The following COL25A1 variants were observed in gnomAD, a reference collection of about 807,000 sequenced individuals.
COL25A1 encodes the protein collagen type XXV alpha 1 chain.
A neutral mutation model predicts 128.4 loss-of-function variants in COL25A1; 103 were observed. The observed-to-expected ratio is 0.80, with a 90% CI of 0.68 to 0.94. COL25A1 has a LOEUF of 0.94. Among genes scored for constraint, COL25A1 ranks in the 40% least tolerant of loss-of-function variants. The pLI is 0.00. For missense variants in COL25A1, 745 were observed against 840.0 expected, an observed-to-expected ratio of 0.89 and a Z score of 1.40; for synonymous variants, 279 against 277.2, an observed-to-expected ratio of 1.01 and a Z score of -0.06.
chr4:109,155,638 C>A (rs185802090), intron 3 of COL25A1, among the ~76,000 whole-genome samples: 1 of 152,144 alleles, frequency 6.6e-6, no homozygotes, highest in Non-Finnish European at 1.5e-5. Context: ...CCTGTCATAG[C>A]TAATCAACTA....
At chr4:108,845,085 T>C (rs989269662) in intron 29 of COL25A1, 104 bp downstream of exon 29, 2 of 933,014 alleles carry the variant, frequency 2.1e-6, no homozygotes, top group African/African-American at 3.2e-5. Flanking sequence ...GTTTGAGGTC[T>C]GTCTACTGTT....
chr4:109,145,803 TGCACTCTA>T (rs1770886254), intron 3 of COL25A1, among the ~76,000 whole-genome samples: 1 of 152,054 alleles, frequency 6.6e-6, no homozygotes, highest in Non-Finnish European at 1.5e-5. Context: ...ATCGCACCAT[TGCACTCTA>T]GCCTGGGCAA....
intron 3 of COL25A1, among the ~76,000 whole-genome samples, chr4:109,188,579 T>C (rs995473741): frequency 1.3e-5 from 2 of 152,092 alleles, no homozygotes; most frequent in South Asian, 2.1e-4. Context: ...TCCAGGAAAC[T>C]GTAGCTTTGA....
At chr4:109,095,119 CAT>C (rs1765277675) in intron 3 of COL25A1, among the ~76,000 whole-genome samples, 1 of 152,182 alleles carries the variant, frequency 6.6e-6, no homozygotes, top group South Asian at 2.1e-4. Context: ...AGTTCAAGCA[CAT>C]GTAACAAAAT....
chr4:109,048,228 G>A, intron 4 of COL25A1, 53 bp from the exon 5 acceptor site: 2 of 1,532,928 alleles, frequency 1.3e-6, no homozygotes, highest in East Asian at 2.3e-5. Flanking sequence ...TAGTGAATAT[G>A]CAAAATATTA....
At chr4:108,913,590 T>C (rs989035915) in intron 13 of COL25A1, among the ~76,000 whole-genome samples, 1 of 152,136 alleles carries the variant, frequency 6.6e-6, no homozygotes, top group Non-Finnish European at 1.5e-5. Flanking sequence ...TTGCACAGTG[T>C]TGGGCACTAA....
intron 13 of COL25A1, among the ~76,000 whole-genome samples, chr4:108,911,219 G>C (rs1744176604): frequency 6.6e-6 from 1 of 152,118 alleles, no homozygotes; most frequent in Admixed American, 6.5e-5. Context: ...CAATAATATA[G>C]TGTTTTAGGA....
At position 109,254,489 on chromosome 4, in the gene COL25A1, A is replaced by ATG. The variant is rs1296262973; in HGVS notation, c.367+46093_367+46094insCA. 2.5e-4 allele frequency among the ~76,000 whole-genome samples: 27 copies of ATG among 106,014 alleles called. 1 individual carries two copies. The highest frequency in any genetic ancestry group is 4.4e-4 in the Non-Finnish European group (26 of 59,224). 69.5% of individuals were successfully genotyped at this position (106,014 alleles called of 152,430 possible). On this transcript the variant is annotated intron_variant, in intron 3 of 37. Transcript: ENST00000399132. ...TATGTTTATATATATATATATATATATATATATATATATATATGTATGTGT... is the reference window on the plus strand; with the variant it reads ...TATGTTTATATATATATATATATATATGTATATATATATATATATGTATGTGT...
intron 3 of COL25A1, among the ~76,000 whole-genome samples, chr4:109,131,366 T>C (rs925174166): frequency 1.3e-5 from 2 of 152,104 alleles, no homozygotes; most frequent in African/African-American, 4.8e-5. Flanking sequence ...TTGGACAGTA[T>C]TGCCCTCTAT....
chr4:109,167,849 C>CA (rs1163274579), intron 3 of COL25A1, among the ~76,000 whole-genome samples: 1 of 151,992 alleles, frequency 6.6e-6, no homozygotes, highest in African/African-American at 2.4e-5. Context: ...TAGAGTGACA[C>CA]AAAAAACTCA....
chr4:109,158,639 T>G (rs888487016), intron 3 of COL25A1, among the ~76,000 whole-genome samples: 7 of 152,166 alleles, frequency 4.6e-5, no homozygotes, highest in African/African-American at 1.4e-4. Flanking sequence ...TCATGGACAA[T>G]TACTGGAATT....
intron 13 of COL25A1, 96 bp downstream of exon 13, chr4:108,918,076 C>T (rs1015050469): frequency 3.2e-6 from 2 of 633,838 alleles, no homozygotes; most frequent in Middle Eastern, 3.7e-4. Flanking sequence ...TTTTTATAAG[C>T]ATATAAGCTT....
At chr4:109,240,294 G>A (rs1320827150) in intron 3 of COL25A1, among the ~76,000 whole-genome samples, 3 of 151,924 alleles carry the variant, frequency 2.0e-5, no homozygotes, top group South Asian at 2.1e-4. Flanking sequence ...CAGCATCACC[G>A]AAAACATGTG....
intron 17 of COL25A1, 24 bp downstream of exon 17, chr4:108,889,677 A>C (rs1488782847): frequency 6.2e-7 from 1 of 1,611,134 alleles, no homozygotes; most frequent in South Asian, 1.1e-5. Flanking sequence ...CCTGGAGTAC[A>C]AATACTTGCA....
intron 31 of COL25A1, chr4:108,837,990 A>G (rs780407598): frequency 1.3e-6 from 1 of 799,570 alleles, no homozygotes; most frequent in Admixed American, 2.1e-5. Context: ...ATGTTTTCTA[A>G]TTACAGAAAC....
At position 108,896,706 on chromosome 4, in the gene COL25A1, G is replaced by A. The variant is rs375017466; in HGVS notation, c.867C>T (p.Asp289=). The A allele has an allele frequency of 9.0e-5, 146 of 1,613,556 alleles. No homozygotes were observed. Among genetic ancestry groups the A allele is most frequent in the Non-Finnish European group, 1.1e-4 (134 of 1,179,786 alleles). ...GEPGEQGEKG[D]AGENGPKGDT... ...CACCCTTGGGGCCGTTCTCTCCAGC[G>A]TCTCCCTGAGGAGGTGAGAAAGTGA... The change falls in exon 16 of 38, where the codon GAC becomes GAT. Residue 289 remains aspartate, a synonymous_variant. Coordinates refer to ENST00000399132, the MANE Select transcript of COL25A1 (RefSeq NM_198721.4).
chr4:108,983,307 A>C (rs1336693571), intron 6 of COL25A1, among the ~76,000 whole-genome samples: 3 of 152,324 alleles, frequency 2.0e-5, no homozygotes, highest in Admixed American at 2.0e-4. Flanking sequence ...ATGCCCTAGT[A>C]GCCCTGTGAT....
At chr4:108,876,414 A>G (rs1208077545) in intron 19 of COL25A1, among the ~76,000 whole-genome samples, 4 of 152,114 alleles carry the variant, frequency 2.6e-5, no homozygotes, top group Non-Finnish European at 5.9e-5. Flanking sequence ...AATTAAATCC[A>G]GATTTAATCT....
intron 5 of COL25A1, among the ~76,000 whole-genome samples, chr4:109,021,507 T>C (rs1757762344): frequency 6.6e-6 from 1 of 152,214 alleles, no homozygotes; most frequent in African/African-American, 2.4e-5. Flanking sequence ...CTGTGATGAC[T>C]GCATTAACCG....
Sources: allele counts gnomAD v4.1 joint callset (sites outside exome capture counted in the v4.1 genomes callset), GRCh38; gene constraint gnomAD v4.1.1; transcripts MANE v1.5; gene names NCBI Gene and HGNC (gene_info 2026-07-23, HGNC 2026-07-21).